Variants in TRIM33 observed in about 807,000 individuals in gnomAD.
TRIM33 encodes tripartite motif containing 33.
TRIM33 carries 20 observed loss-of-function variants against 125.4 expected under a neutral mutation model. The ratio of observed to expected loss-of-function variants is 0.16; its 90% confidence interval spans 0.11 to 0.23. The LOEUF (loss-of-function observed/expected upper bound fraction) is 0.23. Ranked by LOEUF, TRIM33 falls within the 10% of genes least tolerant of loss-of-function variation. TRIM33 has a pLI of 1.00. For missense variants in TRIM33, 920 were observed against 1,411.4 expected, an observed-to-expected ratio of 0.65 and a Z score of 5.58; for synonymous variants, 564 against 513.9, an observed-to-expected ratio of 1.10 and a Z score of -1.32.
chr1:114,493,120 T>C (rs981268645), intron 1 of TRIM33, among the ~76,000 whole-genome samples: 1 of 152,254 alleles, frequency 6.6e-6, no homozygotes, highest in Non-Finnish European at 1.5e-5. Flanking sequence ...TATCTCCTTG[T>C]GGTTTTGTTT....
At chr1:114,479,757 T>A (rs982149056) in intron 1 of TRIM33, among the ~76,000 whole-genome samples, 3 of 152,220 alleles carry the variant, frequency 2.0e-5, no homozygotes, top group Non-Finnish European at 2.9e-5. Flanking sequence ...AGTATTGTCC[T>A]GAAGTGAATT....
intron 11 of TRIM33, chr1:114,420,345 C>T (rs1426295729): frequency 2.4e-6 from 3 of 1,260,320 alleles, no homozygotes; most frequent in African/African-American, 1.5e-5. Context: ...CTGACTACCC[C>T]TTTGGATCTA....
intron 4 of TRIM33, among the ~76,000 whole-genome samples, chr1:114,443,385 A>ATG (rs1553212763): frequency 1.3e-5 from 2 of 149,860 alleles, no homozygotes; most frequent in African/African-American, 5.0e-5. Context: ...CTCCATCTCA[A>ATG]AATGAATGAA....
intron 4 of TRIM33, chr1:114,460,500 C>T (rs1649900391): frequency 1.3e-5 from 2 of 151,362 alleles, no homozygotes; most frequent in Middle Eastern, 3.4e-3. Context: ...AGAGATAACA[C>T]CCTAATTTCC....
intron 5 of TRIM33, among the ~76,000 whole-genome samples, chr1:114,433,102 A>G (rs1225060811): frequency 1.3e-5 from 2 of 152,218 alleles, no homozygotes; most frequent in East Asian, 3.8e-4. Context: ...ACCAAAGTAG[A>G]ATACTTTTTA....
At chr1:114,440,692 G>A (rs1012475602) in intron 4 of TRIM33, among the ~76,000 whole-genome samples, 3 of 152,094 alleles carry the variant, frequency 2.0e-5, no homozygotes, top group African/African-American at 4.8e-5. Context: ...TAGACATAAA[G>A]AGAGTATTTG....
intron 1 of TRIM33, among the ~76,000 whole-genome samples, chr1:114,475,925 G>A (rs1055367573): frequency 2.0e-5 from 3 of 151,802 alleles, no homozygotes; most frequent in Non-Finnish European, 4.4e-5. Flanking sequence ...GCTTGAGCCC[G>A]GGAGGTGGAG....
intron 1 of TRIM33, among the ~76,000 whole-genome samples, chr1:114,476,845 T>A (rs56193552): frequency 0.043 from 6,590 of 151,974 alleles, 153 homozygotes; most frequent in South Asian, 0.063. Flanking sequence ...GTTGCCATTT[T>A]AAAAAAAATA....
At chr1:114,426,507 CT>C (rs371040415) in intron 8 of TRIM33, among the ~76,000 whole-genome samples, 1,548 of 140,348 alleles carry the variant, frequency 0.011, 16 homozygotes, top group African/African-American at 0.026. Flanking sequence ...GCAAAGATTA[CT>C]TTTTTTTTTT....
At chr1:114,414,563 G>A (rs554216708) in intron 11 of TRIM33, among the ~76,000 whole-genome samples, 1 of 152,298 alleles carries the variant, frequency 6.6e-6, no homozygotes, top group Admixed American at 6.5e-5. Flanking sequence ...AGGTTTCAAA[G>A]AGGCTTTAAC....
intron 1 of TRIM33, among the ~76,000 whole-genome samples, chr1:114,507,788 T>G (rs1653085145): frequency 1.3e-5 from 2 of 152,190 alleles, no homozygotes; most frequent in South Asian, 4.1e-4. Flanking sequence ...TATATAGGAG[T>G]TAATACTGAC....
At chr1:114,505,679 T>G (rs374086035) in intron 1 of TRIM33, among the ~76,000 whole-genome samples, 16 of 152,202 alleles carry the variant, frequency 1.1e-4, no homozygotes, top group African/African-American at 3.6e-4. Flanking sequence ...GTGATTCTCC[T>G]ACCTCGGCCT....
chr1:114,491,922 A>G (rs1374627588), intron 1 of TRIM33, among the ~76,000 whole-genome samples: 1 of 152,206 alleles, frequency 6.6e-6, no homozygotes, highest in East Asian at 1.9e-4. Flanking sequence ...ATAAAGCACA[A>G]ACATCCTTCA....
chr1:114,486,022 C>G (rs1185770526), intron 1 of TRIM33, among the ~76,000 whole-genome samples: 1 of 152,146 alleles, frequency 6.6e-6, no homozygotes, highest in Admixed American at 6.5e-5. Context: ...CACCTGTAAT[C>G]CCAGCACTTT....
At chr1:114,443,050 T>G (rs1474242561) in intron 4 of TRIM33, among the ~76,000 whole-genome samples, 1 of 151,686 alleles carries the variant, frequency 6.6e-6, no homozygotes, top group African/African-American at 2.4e-5. Context: ...TTTTCTTCTT[T>G]CCCTTCTCTC....
intron 11 of TRIM33, among the ~76,000 whole-genome samples, chr1:114,420,866 C>G (rs1230258552): frequency 6.6e-6 from 1 of 152,138 alleles, no homozygotes; most frequent in Non-Finnish European, 1.5e-5. Context: ...CAAGAGATCA[C>G]TAAAATTTAT....
chr1:114,499,414 G>A (rs1328454467), intron 1 of TRIM33, among the ~76,000 whole-genome samples: 2 of 151,536 alleles, frequency 1.3e-5, no homozygotes, highest in Non-Finnish European at 2.9e-5. Context: ...AAAAAAATCT[G>A]ACCAACAGCA....
chr1:114,463,366 G>C (rs371022228), intron 3 of TRIM33, 46 bp downstream of exon 3: 22 of 1,570,624 alleles, frequency 1.4e-5, no homozygotes, highest in Non-Finnish European at 1.8e-5. Flanking sequence ...GCAAAAGAAG[G>C]AGGTTAACTG....
chr1:114,450,988 G>GA (rs1218007305), intron 4 of TRIM33, among the ~76,000 whole-genome samples: 2 of 152,098 alleles, frequency 1.3e-5, no homozygotes, highest in African/African-American at 4.8e-5. Flanking sequence ...TTCCGAGGGT[G>GA]AAAAGGTCTC....
Sources: allele counts gnomAD v4.1 joint callset (sites outside exome capture counted in the v4.1 genomes callset), GRCh38; gene constraint gnomAD v4.1.1; transcripts MANE v1.5; gene names NCBI Gene and HGNC (gene_info 2026-07-23, HGNC 2026-07-21).